ITSN1: variants seen among roughly 807,000 people sequenced by gnomAD.
ITSN1 encodes the protein intersectin 1.
A neutral mutation model predicts 239.8 loss-of-function variants in ITSN1; 58 were observed. The observed-to-expected ratio is 0.24, with a 90% CI of 0.20 to 0.30. The LOEUF is 0.30. Ranked by LOEUF, ITSN1 falls within the 10% of genes least tolerant of loss-of-function variation. The pLI is 1.00. For synonymous variants in ITSN1, 780 were observed against 770.8 expected, an observed-to-expected ratio of 1.01 and a Z score of -0.20; for missense variants, 1,558 against 2,103.3, an observed-to-expected ratio of 0.74 and a Z score of 5.07.
intron 3 of ITSN1, 110 bp from the exon 4 acceptor site, chr21:33,722,478 T>G: frequency 7.5e-7 from 1 of 1,341,760 alleles, no homozygotes; most frequent in Non-Finnish European, 9.8e-7. Flanking sequence ...CAACTGGTAT[T>G]TATAGTATTA....
chr21:33,836,379 C>T lies in ITSN1; in HGVS notation c.3470-62C>T, dbSNP rs529394133. 9.0e-5 allele frequency: 113 copies of T among 1,249,150 alleles called. 2 individuals are homozygous for T. The highest frequency in any genetic ancestry group is 8.9e-4 in the South Asian group (56 of 62,728). 77.4% of individuals were successfully genotyped at this position (1,249,150 alleles called of 1,614,324 possible). ...TAGCTGGGAATGTTGAATGGCTGCG[C>T]GGTACCCGTTGTGCATTCTCCGGCG... On this transcript the variant is annotated intron_variant, in intron 28 of 39. Coordinates refer to ENST00000381318, the MANE Select transcript of ITSN1 (RefSeq NM_003024.3).
chr21:33,797,542 G>T lies in ITSN1; in HGVS notation c.2116G>T (p.Gly706Cys). 1 of 1,614,060 alleles carries T rather than the reference G, an allele frequency of 6.2e-7. No homozygotes were observed. The highest frequency in any genetic ancestry group is 2.2e-5 in the East Asian group (1 of 44,876). ...CAAACAGGAAGCACAAGACAAGCTG[G>T]GTCGGCTTTTCCATCAACACCAAGA... ...KGKQEAQDKLGRLFHQHQEPA... is the reference protein window; with the variant it reads ...KGKQEAQDKLCRLFHQHQEPA... The change falls in exon 18 of 40, where the codon GGT becomes TGT. Residue 706 changes from glycine (G) to cysteine (C), a missense_variant. Coordinates refer to ENST00000381318, the MANE Select transcript of ITSN1 (RefSeq NM_003024.3). This position sits in a 1 kb window ranked among gnomAD's most constrained non-coding sequence, Gnocchi z 4.9.
chr21:33,746,781 A>G (rs1283796886), intron 5 of ITSN1, among the ~76,000 whole-genome samples: 1 of 152,148 alleles, frequency 6.6e-6, no homozygotes, highest in African/African-American at 2.4e-5. Flanking sequence ...GGCAGAGGTT[A>G]CAGTGAGACG....
intron 17 of ITSN1, among the ~76,000 whole-genome samples, chr21:33,795,132 C>T (rs537420103): frequency 4.6e-5 from 7 of 152,188 alleles, no homozygotes; most frequent in Non-Finnish European, 7.4e-5. Flanking sequence ...ATGACAGCCC[C>T]GTAAATTATA....
At chr21:33,657,114 C>G (rs2089159221) in intron 1 of ITSN1, among the ~76,000 whole-genome samples, 1 of 152,158 alleles carries the variant, frequency 6.6e-6, no homozygotes, top group African/African-American at 2.4e-5. Flanking sequence ...GTTTGGGCTT[C>G]TAATGAACCA....
chr21:33,861,396 G>C (rs1163300463), intron 31 of ITSN1, among the ~76,000 whole-genome samples: 1 of 152,088 alleles, frequency 6.6e-6, no homozygotes, highest in Non-Finnish European at 1.5e-5. Flanking sequence ...TTGTATTTGG[G>C]GGGTGGGGCA....
chr21:33,813,754 T>G (rs998195145), intron 21 of ITSN1, among the ~76,000 whole-genome samples, 159 bp from the exon 22 acceptor site: 2 of 150,000 alleles, frequency 1.3e-5, no homozygotes, highest in Non-Finnish European at 2.9e-5. Flanking sequence ...TTTTTTCCTC[T>G]TTTATTTATT....
chr21:33,792,738 C>CCT (rs2071239613), intron 16 of ITSN1, among the ~76,000 whole-genome samples: 1 of 152,140 alleles, frequency 6.6e-6, no homozygotes, highest in Admixed American at 6.5e-5. Context: ...TTTCCCCTTC[C>CCT]CTCTGTTCCA....
intron 11 of ITSN1, among the ~76,000 whole-genome samples, chr21:33,768,304 T>C (rs754410073): frequency 1.3e-5 from 2 of 152,164 alleles, no homozygotes; most frequent in African/African-American, 2.4e-5. Flanking sequence ...TTTTTTGAGA[T>C]GGAGTCTCAC....
chr21:33,705,187 T>A (rs1370747938), intron 1 of ITSN1, among the ~76,000 whole-genome samples: 1 of 151,816 alleles, frequency 6.6e-6, no homozygotes, highest in Non-Finnish European at 1.5e-5. Flanking sequence ...GTTTTTATAT[T>A]GGATCAGTAT....
At position 33,774,744 on chromosome 21, in the gene ITSN1, C is replaced by A; in HGVS notation, c.1321C>A (p.Leu441Ile). ...AATGTCACAGGCTGCAAAACGGGAA[C>A]TTGAAAGGCAACGACAACTTGAGTG... Reference protein sequence around the residue: ...IERREAAKRELERQRQLEWER... With the variant: ...IERREAAKREIERQRQLEWER... Residue 441 changes from leucine to isoleucine, a missense_variant, in exon 13 of 40, where the codon CTT (leucine) becomes ATT (isoleucine). Leu to Ile is a conservative substitution (Grantham distance 5). Around this residue, in one of 2 missense-constraint regions of ITSN1, gnomAD observed 982 missense variants for 1,209.9 expected, o/e 0.81. Coordinates refer to ENST00000381318, the MANE Select transcript of ITSN1 (RefSeq NM_003024.3). 6.2e-7 allele frequency: 1 copy of A among 1,612,618 alleles called. No homozygotes were observed. Among genetic ancestry groups the A allele is most frequent in the Non-Finnish European group, 8.5e-7 (1 of 1,179,610 alleles).
chr21:33,860,795 C>A (rs1370406486), intron 31 of ITSN1, among the ~76,000 whole-genome samples: 1 of 152,200 alleles, frequency 6.6e-6, no homozygotes. Context: ...AGTCAGACAT[C>A]CCAAGTTTTT....
At chr21:33,886,140 A>G in intron 38 of ITSN1, 147 bp from the exon 39 acceptor site, 1 of 620,110 alleles carries the variant, frequency 1.6e-6, no homozygotes. Flanking sequence ...TGAGCTCAGG[A>G]GGTGGAGGTT....
intron 31 of ITSN1, among the ~76,000 whole-genome samples, chr21:33,863,476 C>T (rs1351656916): frequency 5.9e-5 from 9 of 152,002 alleles, no homozygotes; most frequent in Admixed American, 2.0e-4. Flanking sequence ...GCCAACATGG[C>T]GAAACCCCAT....
chr21:33,799,283 A>G (rs1242957323), intron 18 of ITSN1, among the ~76,000 whole-genome samples: 1 of 152,186 alleles, frequency 6.6e-6, no homozygotes, highest in African/African-American at 2.4e-5. Context: ...GGGGATTATC[A>G]GTATAACCAA....
chr21:33,769,436 C>G (rs1447634927), intron 11 of ITSN1, among the ~76,000 whole-genome samples: 1 of 152,128 alleles, frequency 6.6e-6, no homozygotes, highest in Non-Finnish European at 1.5e-5. Flanking sequence ...ATGTACAGTT[C>G]AGAGGCTGTC....
chr21:33,740,915 G>GTAGA (rs557074549), intron 5 of ITSN1, among the ~76,000 whole-genome samples: 25 of 152,186 alleles, frequency 1.6e-4, no homozygotes, highest in East Asian at 7.7e-4. Context: ...TTTAATGTAA[G>GTAGA]TAGATAGATA....
chr21:33,760,489 A>G (rs2068234416), intron 8 of ITSN1, among the ~76,000 whole-genome samples: 1 of 152,160 alleles, frequency 6.6e-6, no homozygotes, highest in South Asian at 2.1e-4. Context: ...AAGTTGAACT[A>G]TTGTCAGTAA....
rs1427316826 is a variant in ITSN1 at position 33,890,148 on chromosome 21, TTTAAA to T, written c.*1855_*1859del. 1 of 152,210 alleles carries T rather than the reference TTTAAA, an allele frequency of 6.6e-6. No individual in the cohort carries two copies. Among genetic ancestry groups the T allele is most frequent in the Non-Finnish European group, 1.5e-5 (1 of 68,032 alleles). The allele number at this position is 152,210 out of a possible 1,614,324, so 9.4% of individuals were successfully genotyped here. A position where few individuals can be genotyped will look rare whatever the true frequency, so the allele number is the denominator to read the frequency against. On this transcript the variant is annotated 3_prime_UTR_variant, in exon 40 of 40. Coordinates refer to ENST00000381318, the MANE Select transcript of ITSN1 (RefSeq NM_003024.3). ...TATTTTTTGATGTTGTTAAGAAACT[TTTAAA>T]TTAAATCTATAAATAGACATGCAAC...
Sources: gnomAD v4.1 joint callset for allele counts (sites outside exome capture counted in the v4.1 genomes callset) on GRCh38, gnomAD v4.1.1 for gene constraint, gnomAD v4.1.1 regional missense constraint, Gnocchi (gnomAD v3.1) non-coding constraint, MANE v1.5 for transcripts, NCBI Gene and HGNC (gene_info 2026-07-23, HGNC 2026-07-21) for gene names.